The following EBF2 variants were observed in gnomAD, a reference collection of about 807,000 sequenced individuals.
EBF2 encodes transcription factor COE2.
A neutral mutation model predicts 72.8 loss-of-function variants in EBF2; 21 were observed. That is an observed-to-expected ratio of 0.29 (90% CI 0.20 to 0.42). The LOEUF is 0.42. EBF2 is among the 10% of genes least tolerant of loss of function. The pLI is 1.00. For synonymous variants in EBF2, 299 were observed against 274.2 expected, an observed-to-expected ratio of 1.09 and a Z score of -0.89; for missense variants, 637 against 731.2, an observed-to-expected ratio of 0.87 and a Z score of 1.49.
Position 25,889,762 on chromosome 8 carries a change from A to G in EBF2, c.741T>C (p.Asp247=), listed in dbSNP as rs1241283214. 6.2e-7 allele frequency: 1 copy of G among 1,613,806 alleles called. No individual in the cohort carries two copies. Among genetic ancestry groups the G allele is most frequent in the Non-Finnish European group, 8.5e-7 (1 of 1,179,748 alleles). The change falls in exon 8 of 16, where the codon GAT becomes GAC. Residue 247 remains aspartate (D), a synonymous_variant. Coordinates refer to ENST00000520164, the MANE Select transcript of EBF2 (RefSeq NM_022659.4). ...CGCAGGCAGCCCTACCTTCCGATGG[A>G]TCGAGTCTTCTTGCTCTCCGTCCAT... The part of the protein sequence containing the change: ...SKHGRRARRL[D]PSEATPCIKA...
intron 15 of EBF2, among the ~76,000 whole-genome samples, chr8:25,847,520 C>A (rs929633842): frequency 6.6e-6 from 1 of 152,188 alleles, no homozygotes; most frequent in Non-Finnish European, 1.5e-5. Context: ...TGAGGGCATC[C>A]TTTGTCAACC....
At chr8:26,009,682 G>T (rs7018405) in intron 6 of EBF2, among the ~76,000 whole-genome samples, 3 of 151,982 alleles carry the variant, frequency 2.0e-5, no homozygotes, top group African/African-American at 7.2e-5. Context: ...TATAGCGATC[G>T]CATGCCAATA....
chr8:26,012,786 G>A (rs903485261), intron 6 of EBF2, among the ~76,000 whole-genome samples: 1 of 152,176 alleles, frequency 6.6e-6, no homozygotes, highest in Non-Finnish European at 1.5e-5. Context: ...CTCACAGCAT[G>A]TGCCATGTAC....
chr8:25,974,962 T>C (rs987495622), intron 6 of EBF2, among the ~76,000 whole-genome samples: 8 of 152,260 alleles, frequency 5.3e-5, no homozygotes, highest in Non-Finnish European at 1.0e-4. Context: ...GTTACTAAGC[T>C]GACATCAATT....
intron 6 of EBF2, among the ~76,000 whole-genome samples, chr8:25,948,195 G>T (rs1053337756): frequency 1.3e-5 from 2 of 152,106 alleles, no homozygotes; most frequent in African/African-American, 4.8e-5. Flanking sequence ...GTTGTTCCTT[G>T]GCCTGTCTTG....
At chr8:25,938,607 T>G (rs1803618896) in intron 6 of EBF2, among the ~76,000 whole-genome samples, 2 of 152,186 alleles carry the variant, frequency 1.3e-5, no homozygotes, top group African/African-American at 4.8e-5. Flanking sequence ...AAAGGCATAA[T>G]TCTTCATGCT....
chr8:25,940,665 C>A (rs140875871), intron 6 of EBF2, among the ~76,000 whole-genome samples: 423 of 151,056 alleles, frequency 2.8e-3, no homozygotes, highest in Middle Eastern at 6.9e-3. Context: ...AGGCTTGGAG[C>A]AGTCATCTTC....
rs1310778526 is a variant in EBF2, at chr8:26,044,641, A to G, written c.131+88T>C. 5.8e-5 allele frequency: 88 copies of G among 1,521,222 alleles called. No individual in the cohort carries two copies. The highest frequency in any genetic ancestry group is 7.4e-5 in the Non-Finnish European group (84 of 1,129,818). The allele number at this position is 1,521,222 out of a possible 1,614,324, so 94.2% of individuals were successfully genotyped here. On this transcript the variant is annotated intron_variant, in intron 1 of 15. Transcript: ENST00000520164. This position sits in a 1 kb window ranked among gnomAD's most constrained non-coding sequence, Gnocchi z 4.1. ...CAGATGGGGGGACAGGGAGAGAGAA[A>G]GGCACGGGGTGCGCGGGGGGGGTGC...
At chr8:26,033,219 T>G in intron 5 of EBF2, 66 bp from the exon 6 acceptor site, 2 of 1,497,280 alleles carry the variant, frequency 1.3e-6, no homozygotes, top group Non-Finnish European at 1.9e-6. Context: ...AATGAGCACA[T>G]GACAAGAACA....
At chr8:25,956,174 T>C (rs1803943311) in intron 6 of EBF2, among the ~76,000 whole-genome samples, 1 of 152,136 alleles carries the variant, frequency 6.6e-6, no homozygotes, top group African/African-American at 2.4e-5. Context: ...ATCCCAGCAC[T>C]TTGGGAGGCT....
rs1261840030 is a variant in EBF2, at chr8:25,995,010, A to C, written c.551+38075T>G. Among the ~76,000 whole-genome samples, 4 of 152,220 alleles carry C rather than the reference A, an allele frequency of 2.6e-5. No homozygotes were observed. The East Asian group carries it at 7.7e-4, about 29-fold the overall frequency. Reference sequence around the variant, plus strand: ...TTGTAATGAAAAAAAAATTTTTTTTAAAGAAGATATATACAGTAGGCGTGG... The same window carrying C: ...TTGTAATGAAAAAAAAATTTTTTTTCAAGAAGATATATACAGTAGGCGTGG... On this transcript the variant is annotated intron_variant, in intron 6 of 15. Coordinates refer to ENST00000520164, the MANE Select transcript of EBF2 (RefSeq NM_022659.4).
In EBF2 at chr8:25,887,767, G is replaced by A. The variant is rs1404558772; in HGVS notation, c.882+75C>T. 5 of 1,429,684 alleles carry A rather than the reference G, an allele frequency of 3.5e-6. No homozygotes were observed. In the African/African-American group the frequency reaches 4.3e-5, roughly 12 times the overall value. The allele number at this position is 1,429,684 out of a possible 1,614,324, so 88.6% of individuals were successfully genotyped here. ...ACTTTTATGCTTTTTTACCCTTGGT[G>A]TTTGTGCTAGTTTCCCAGATCAAAA... is the stretch of plus-strand genomic sequence containing the variant. On this transcript the variant is annotated intron_variant, in intron 9 of 15. Transcript: ENST00000520164.
intron 6 of EBF2, among the ~76,000 whole-genome samples, chr8:25,946,234 G>A (rs1194885447): frequency 6.6e-6 from 1 of 152,226 alleles, no homozygotes; most frequent in African/African-American, 2.4e-5. Flanking sequence ...ATCACTTTGG[G>A]AGTGGGGCAT....
At chr8:25,858,818 G>C (rs184263763) in intron 13 of EBF2, among the ~76,000 whole-genome samples, 1 of 151,620 alleles carries the variant, frequency 6.6e-6, no homozygotes, top group Admixed American at 6.6e-5. Context: ...CTGCCATTGC[G>C]CCCGGCTAAT....
chr8:25,946,663 G>A (rs752583748), intron 6 of EBF2, among the ~76,000 whole-genome samples: 4 of 152,166 alleles, frequency 2.6e-5, no homozygotes, highest in South Asian at 2.1e-4. Context: ...AAACCTAGAC[G>A]GCAGCCCAGA....
intron 6 of EBF2, among the ~76,000 whole-genome samples, chr8:25,961,658 G>A (rs1404818519): frequency 6.6e-6 from 1 of 152,184 alleles, no homozygotes; most frequent in Non-Finnish European, 1.5e-5. Flanking sequence ...ACCGCGCCCA[G>A]CCCTAATGTG....
At chr8:25,905,056 AAAG>A (rs1270249577) in intron 7 of EBF2, among the ~76,000 whole-genome samples, 1 of 152,222 alleles carries the variant, frequency 6.6e-6, no homozygotes, top group African/African-American at 2.4e-5. Flanking sequence ...ACACTTCCTC[AAAG>A]AAGATATACA....
At chr8:25,889,383 G>A (rs773085214) in intron 8 of EBF2, among the ~76,000 whole-genome samples, 5 of 152,088 alleles carry the variant, frequency 3.3e-5, no homozygotes, top group Non-Finnish European at 7.4e-5. Context: ...GCATTGTTTT[G>A]TTTTGCCTAC....
At position 26,025,787 on chromosome 8, in the gene EBF2, T is replaced by A. The variant is rs193207133; in HGVS notation, c.551+7298A>T. On this transcript the variant is annotated intron_variant, in intron 6 of 15. Transcript: ENST00000520164. ...GCTAGGAAACAACGGAATGAGATCA[T>A]GAAAGAATGATGCATTCACATTGGA... Among the ~76,000 whole-genome samples, 15 of 152,202 alleles carry A rather than the reference T, an allele frequency of 9.9e-5. 1 individual carries two copies. Among genetic ancestry groups the A allele is most frequent in the African/African-American group, 3.6e-4 (15 of 41,544 alleles).
Sources: allele counts gnomAD v4.1 joint callset (sites outside exome capture counted in the v4.1 genomes callset), GRCh38; gene constraint gnomAD v4.1.1; non-coding constraint Gnocchi (gnomAD v3.1); transcripts MANE v1.5; gene names NCBI Gene and HGNC (gene_info 2026-07-23, HGNC 2026-07-21).